Variants in NKAIN2 observed in about 807,000 individuals in gnomAD.
NKAIN2 encodes the protein sodium/potassium-transporting ATPase subunit beta-1-interacting protein 2.
Under a neutral mutation model 32.6 loss-of-function variants are expected in NKAIN2, and 14 were observed. The ratio of observed to expected loss-of-function variants is 0.43; its 90% CI spans 0.28 to 0.67. The LOEUF (loss-of-function observed/expected upper bound fraction) is 0.67, where lower values mean the gene tolerates loss of function less well. Ranked by LOEUF, NKAIN2 falls within the 30% of genes least tolerant of loss-of-function variation. The pLI, the probability that NKAIN2 is intolerant of heterozygous loss-of-function variation, is 0.17. For missense variants in NKAIN2, 198 were observed against 258.3 expected (o/e 0.77, Z 1.60); for synonymous variants, 80 against 87.2 (o/e 0.92, Z 0.46).
chr6:123,831,352 A>G lies in NKAIN2; in HGVS notation c.54+27098A>G, dbSNP rs181668542. Reference sequence around the variant, plus strand: ...TGTATGCATATTGTGTAATATTTAAATCTTTTATATAGCCATGATTCTCAA... The same window carrying G: ...TGTATGCATATTGTGTAATATTTAAGTCTTTTATATAGCCATGATTCTCAA... On this transcript the variant is annotated intron_variant, in intron 1 of 6. Transcript: ENST00000368417. Among the ~76,000 whole-genome samples the G allele has an allele frequency of 1.1e-3, 173 of 151,728 alleles. 3 individuals carry two copies. The highest frequency in any genetic ancestry group is 4.0e-3 in the African/African-American group (167 of 41,472).
chr6:124,203,529 C>A (rs1790694091), intron 1 of NKAIN2, among the ~76,000 whole-genome samples: 1 of 151,674 alleles, frequency 6.6e-6, no homozygotes. Flanking sequence ...AATTTTAAGG[C>A]AAATTCTGGC....
At chr6:124,763,320 C>T (rs1778359508) in intron 4 of NKAIN2, among the ~76,000 whole-genome samples, 1 of 152,216 alleles carries the variant, frequency 6.6e-6, no homozygotes, top group African/African-American at 2.4e-5. Flanking sequence ...AATTGGCTCA[C>T]AGTTCTGCAG....
At chr6:124,508,679 G>A (rs531807808) in intron 3 of NKAIN2, among the ~76,000 whole-genome samples, 1 of 152,116 alleles carries the variant, frequency 6.6e-6, no homozygotes, top group Non-Finnish European at 1.5e-5. Flanking sequence ...CTGTAACAAA[G>A]TACCACAAGC....
intron 5 of NKAIN2, among the ~76,000 whole-genome samples, chr6:124,807,186 ATTT>A (rs904404154): frequency 2.0e-5 from 3 of 152,012 alleles, no homozygotes; most frequent in African/African-American, 7.3e-5. Context: ...CAGAATATAC[ATTT>A]TTTTCAGCAC....
At chr6:124,100,688 A>G (rs1434240924) in intron 1 of NKAIN2, among the ~76,000 whole-genome samples, 1 of 152,232 alleles carries the variant, frequency 6.6e-6, no homozygotes, top group Non-Finnish European at 1.5e-5. Flanking sequence ...TCACAACCTG[A>G]CAATTTAAAT....
intron 3 of NKAIN2, among the ~76,000 whole-genome samples, chr6:124,604,807 T>TAAGC (rs1782438155): frequency 6.6e-6 from 1 of 151,930 alleles, no homozygotes. Flanking sequence ...TACAGATTTG[T>TAAGC]AAGCTCTAGG....
chr6:124,370,084 T>A (rs1799688387), intron 3 of NKAIN2, among the ~76,000 whole-genome samples: 1 of 151,568 alleles, frequency 6.6e-6, no homozygotes, highest in Non-Finnish European at 1.5e-5. Flanking sequence ...TATTCTATTC[T>A]GCTTTGCACT....
rs553702953 is a variant in NKAIN2, at chr6:124,622,852, A to G, written c.274-35334A>G. 2.0e-5 allele frequency among the ~76,000 whole-genome samples: 3 copies of G among 151,810 alleles called. No homozygotes were observed. In the East Asian group the frequency reaches 5.9e-4, roughly 30 times the overall value. On this transcript the variant is annotated intron_variant, in intron 3 of 6. Transcript: ENST00000368417. ...GCATCGCTCTGCTGTTCATCTGCTT[A>G]TCTCATCTCCTCATCTGCTGGCCTG...
chr6:124,323,784 CTTTT>C lies in NKAIN2; in HGVS notation c.193-31467_193-31464del, dbSNP rs1188944631. On this transcript the variant is annotated intron_variant, in intron 2 of 6. Coordinates refer to ENST00000368417, the MANE Select transcript of NKAIN2 (RefSeq NM_001040214.3). ...GCTGTTTCAATTCTTTTAATTTTTTCTTTTTTTTTTTTTTTTTTTCTGAGACGGA... is the reference window on the plus strand; with the variant it reads ...GCTGTTTCAATTCTTTTAATTTTTTCTTTTTTTTTTTTTTTCTGAGACGGA... Among the ~76,000 whole-genome samples the C allele has an allele frequency of 3.5e-5, 4 of 115,930 alleles. No homozygotes were observed. In the South Asian group the frequency reaches 1.0e-3, roughly 30 times the overall value. 76.1% of individuals were successfully genotyped at this position (115,930 alleles called of 152,430 possible).
intron 3 of NKAIN2, among the ~76,000 whole-genome samples, chr6:124,361,017 C>T (rs540842385): frequency 8.5e-5 from 13 of 152,100 alleles, no homozygotes; most frequent in African/African-American, 3.1e-4. Flanking sequence ...GATCATATAT[C>T]AAATAGAGAG....
chr6:123,913,366 A>G (rs1253747116), intron 1 of NKAIN2, among the ~76,000 whole-genome samples: 1 of 152,192 alleles, frequency 6.6e-6, no homozygotes, highest in Non-Finnish European at 1.5e-5. Flanking sequence ...AGTAATGCTC[A>G]CCTTCCCTAG....
chr6:124,199,419 G>A (rs970971767), intron 1 of NKAIN2, among the ~76,000 whole-genome samples: 1 of 152,120 alleles, frequency 6.6e-6, no homozygotes, highest in Admixed American at 6.6e-5. Context: ...TCTGCTTCAA[G>A]GATGACCAGT....
chr6:124,160,168 C>A lies in NKAIN2; in HGVS notation c.55-122837C>A, dbSNP rs906107558. ...GAGAAATCTGTTCAATTGGGTGAGG[C>A]GATCTACAGTGAAAAAGGGACAGAG... On this transcript the variant is annotated intron_variant, in intron 1 of 6. Transcript: ENST00000368417. Among the ~76,000 whole-genome samples, 3 of 152,036 alleles carry A rather than the reference C, an allele frequency of 2.0e-5. No individual in the cohort carries two copies. In the East Asian group the frequency reaches 5.8e-4, roughly 29 times the overall value.
At position 124,658,456 on chromosome 6, in the gene NKAIN2, C is replaced by A. The variant is rs987981910; in HGVS notation, c.474+70C>A. The A allele has an allele frequency of 2.5e-6, 4 of 1,610,172 alleles. No homozygotes were observed. The South Asian group carries it at 3.3e-5, about 13-fold the overall frequency. On this transcript the variant is annotated intron_variant, in intron 4 of 6. Coordinates refer to ENST00000368417, the MANE Select transcript of NKAIN2 (RefSeq NM_001040214.3). ...GTTTTATTTCTGTGCGAACTCAGTG[C>A]ACACAAATGGAATCTGTGGGTAAAG...
rs1368199579 is a variant in NKAIN2 at position 124,149,933 on chromosome 6, G to A, written c.55-133072G>A. Among the ~76,000 whole-genome samples, 3 of 152,248 alleles carry A rather than the reference G, an allele frequency of 2.0e-5. No individual in the cohort carries two copies. The East Asian group carries it at 5.8e-4, about 29-fold the overall frequency. On this transcript the variant is annotated intron_variant, in intron 1 of 6. Transcript: ENST00000368417. ...CAAAAACCTGGAGCCAACACAACCT[G>A]TAGGTAATTAAAATTTATTGTTCCC...
chr6:124,286,266 A>G (rs957154891), intron 2 of NKAIN2, among the ~76,000 whole-genome samples: 1 of 152,122 alleles, frequency 6.6e-6, no homozygotes, highest in Non-Finnish European at 1.5e-5. Context: ...GTTATACATT[A>G]TGCTATTTTC....
intron 3 of NKAIN2, among the ~76,000 whole-genome samples, chr6:124,535,847 G>T (rs916830937): frequency 1.3e-5 from 2 of 152,198 alleles, no homozygotes; most frequent in African/African-American, 4.8e-5. Context: ...GAGCAGTTCA[G>T]GAAGACAGAC....
intron 3 of NKAIN2, among the ~76,000 whole-genome samples, chr6:124,364,434 G>A (rs1168115217): frequency 2.0e-5 from 3 of 151,926 alleles, no homozygotes; most frequent in East Asian, 1.9e-4. Flanking sequence ...CATATTTCAA[G>A]TGTAATCGAG....
intron 5 of NKAIN2, among the ~76,000 whole-genome samples, chr6:124,806,827 G>A (rs2114847044): frequency 6.6e-6 from 1 of 152,024 alleles, no homozygotes; most frequent in East Asian, 1.9e-4. Context: ...AAAAAAGGCA[G>A]GGGTTGCAAT....
Sources: gnomAD v4.1 joint callset for allele counts (sites outside exome capture counted in the v4.1 genomes callset) on GRCh38, gnomAD v4.1.1 for gene constraint, MANE v1.5 for transcripts, NCBI Gene and HGNC (gene_info 2026-07-23, HGNC 2026-07-21) for gene names.